ABCA12: variants seen among roughly 807,000 people sequenced by gnomAD.
ABCA12 encodes the protein ATP binding cassette subfamily A member 12.
A neutral mutation model predicts 293.5 loss-of-function variants in ABCA12; 156 were observed. The ratio of observed to expected loss-of-function variants is 0.53; its 90% CI spans 0.47 to 0.61. ABCA12 has a LOEUF of 0.61. Among genes scored for constraint, ABCA12 ranks in the 20% least tolerant of loss-of-function variants. The pLI is 0.00. For missense variants in ABCA12, 2,797 were observed against 3,090.2 expected, an observed-to-expected ratio of 0.91 and a Z score of 2.25; for synonymous variants, 1,063 against 1,108.0, an observed-to-expected ratio of 0.96 and a Z score of 0.81.
At chr2:214,972,211 T>G (rs1382918471) in intron 36 of ABCA12, among the ~76,000 whole-genome samples, 2 of 152,192 alleles carry the variant, frequency 1.3e-5, no homozygotes, top group Non-Finnish European at 2.9e-5. Flanking sequence ...CTCTTCATCT[T>G]TTGATGTATA....
Position 215,000,745 on chromosome 2 carries a change from G to C in ABCA12, c.3139C>G (p.Gln1047Glu). The C allele has an allele frequency of 1.2e-6, 2 of 1,614,050 alleles. No homozygotes were observed. Among genetic ancestry groups the C allele is most frequent in the Non-Finnish European group, 1.7e-6 (2 of 1,179,956 alleles). ...CAGGGATAAGGAATTGCTTGAACCT[G>C]GACTGCTATTTCCTGGGAGTTCCTT... ...TGRNSQEIAVQVQAIPYPCFM... is the reference protein window; with the variant it reads ...TGRNSQEIAVEVQAIPYPCFM... Residue 1047 changes from glutamine (Q) to glutamate (E), a missense_variant, in exon 22 of 53, where the codon CAG becomes GAG. Physicochemically the swap from Gln to Glu is conservative, Grantham distance 29. Coordinates refer to ENST00000272895, the MANE Select transcript of ABCA12 (RefSeq NM_173076.3).
intron 23 of ABCA12, among the ~76,000 whole-genome samples, chr2:214,996,898 GCCC>G (rs1700046987): frequency 2.0e-5 from 3 of 152,084 alleles, no homozygotes; most frequent in African/African-American, 7.2e-5. Flanking sequence ...TAATTATTGT[GCCC>G]CAGTTTTGAA....
chr2:215,040,574 C>A (rs568222058), intron 7 of ABCA12, among the ~76,000 whole-genome samples: 32 of 152,038 alleles, frequency 2.1e-4, no homozygotes, highest in Non-Finnish European at 4.1e-4. Flanking sequence ...TTTGGGAGGC[C>A]AAGGTGGACG....
chr2:215,048,456 A>T (rs1701247297), intron 6 of ABCA12, among the ~76,000 whole-genome samples: 1 of 152,000 alleles, frequency 6.6e-6, no homozygotes, highest in Non-Finnish European at 1.5e-5. Flanking sequence ...GCACTTTGGG[A>T]GGCCGAGGCA....
chr2:215,011,361 T>TA (rs1196777432), intron 17 of ABCA12, 78 bp downstream of exon 17: 2 of 1,122,856 alleles, frequency 1.8e-6, no homozygotes, highest in Non-Finnish European at 2.6e-6. Context: ...TCATTTATCA[T>TA]AAAAAACTAA....
At chr2:215,009,966 A>G (rs1396327237) in intron 18 of ABCA12, among the ~76,000 whole-genome samples, 1 of 152,234 alleles carries the variant, frequency 6.6e-6, no homozygotes, top group Non-Finnish European at 1.5e-5. Flanking sequence ...AACTAGTTAT[A>G]TAATGCTCAA....
intron 18 of ABCA12, among the ~76,000 whole-genome samples, chr2:215,008,688 T>C (rs1700306387): frequency 6.6e-6 from 1 of 151,960 alleles, no homozygotes; most frequent in African/African-American, 2.4e-5. Flanking sequence ...GAATAAATTA[T>C]AGGAAGATGC....
intron 9 of ABCA12, among the ~76,000 whole-genome samples, chr2:215,029,735 C>T (rs1246686738): frequency 6.6e-6 from 1 of 152,118 alleles, no homozygotes; most frequent in African/African-American, 2.4e-5. Flanking sequence ...CATAAATACC[C>T]AATTATTCCC....
At chr2:215,083,468 G>A (rs1223426268) in intron 2 of ABCA12, among the ~76,000 whole-genome samples, 2 of 152,166 alleles carry the variant, frequency 1.3e-5, no homozygotes, top group Non-Finnish European at 2.9e-5. Context: ...AGTGTCCGAT[G>A]GTTTTAGAGC....
At chr2:215,068,610 T>A (rs899892333) in intron 2 of ABCA12, among the ~76,000 whole-genome samples, 2 of 152,094 alleles carry the variant, frequency 1.3e-5, no homozygotes, top group African/African-American at 2.4e-5. Context: ...CCTCATTGCA[T>A]CTAATCGACT....
chr2:215,038,241 T>G (rs1430353474), intron 7 of ABCA12, among the ~76,000 whole-genome samples: 2 of 152,182 alleles, frequency 1.3e-5, no homozygotes, highest in Non-Finnish European at 2.9e-5. Context: ...CATTTAGTTT[T>G]CTAATAATTC....
intron 52 of ABCA12, 136 bp downstream of exon 52, chr2:214,933,942 T>C (rs1244302565): frequency 4.5e-6 from 4 of 881,344 alleles, no homozygotes; most frequent in Non-Finnish European, 7.0e-6. Flanking sequence ...TTAGGCTCTT[T>C]GCTAAGTTTT....
At chr2:214,943,489 G>A (rs1444169754) in intron 49 of ABCA12, among the ~76,000 whole-genome samples, 2 of 151,892 alleles carry the variant, frequency 1.3e-5, no homozygotes, top group Non-Finnish European at 2.9e-5. Flanking sequence ...TTTTAAAGGA[G>A]AACAAAAGCC....
chr2:215,090,453 G>A (rs926337275), intron 2 of ABCA12, among the ~76,000 whole-genome samples: 9 of 152,094 alleles, frequency 5.9e-5, no homozygotes, highest in Non-Finnish European at 1.2e-4. Context: ...CAGTTAAGCG[G>A]CTTCTTTTTA....
intron 42 of ABCA12, 83 bp downstream of exon 42, chr2:214,956,580 A>C (rs1026308785): frequency 8.2e-6 from 8 of 974,960 alleles, no homozygotes; most frequent in Non-Finnish European, 1.3e-5. Context: ...ATTGTAATTT[A>C]GCTAATGAGA....
chr2:215,087,495 T>TGTGTGC (rs1422309731), intron 2 of ABCA12, among the ~76,000 whole-genome samples: 1 of 151,394 alleles, frequency 6.6e-6, no homozygotes, highest in Non-Finnish European at 1.5e-5. Context: ...TTCGTGTGTG[T>TGTGTGC]GTGTGTGTGT....
At chr2:214,978,202 T>G in intron 33 of ABCA12, 114 bp downstream of exon 33, 1 of 1,262,284 alleles carries the variant, frequency 7.9e-7, no homozygotes, top group Non-Finnish European at 1.1e-6. Flanking sequence ...TAGTGTTTTT[T>G]GAATTTAGAA....
chr2:215,108,162 A>T (rs1702501106), intron 2 of ABCA12, among the ~76,000 whole-genome samples: 1 of 152,174 alleles, frequency 6.6e-6, no homozygotes, highest in African/African-American at 2.4e-5. Flanking sequence ...CCCACAAATG[A>T]TTTTAACTCT....
chr2:215,123,768 CT>C (rs1215058152), intron 1 of ABCA12, among the ~76,000 whole-genome samples: 1 of 151,500 alleles, frequency 6.6e-6, no homozygotes, highest in Admixed American at 6.6e-5. Context: ...CTTTTTTAAT[CT>C]TTATTTTAAT....
Sources: allele counts gnomAD v4.1 joint callset (sites outside exome capture counted in the v4.1 genomes callset), GRCh38; gene constraint gnomAD v4.1.1; transcripts MANE v1.5; gene names NCBI Gene and HGNC (gene_info 2026-07-23, HGNC 2026-07-21).